The following RRM2 variants were observed in gnomAD, a reference collection of about 807,000 sequenced individuals.
RRM2 encodes the protein ribonucleotide reductase regulatory subunit M2.
Under a neutral mutation model 45.9 loss-of-function variants are expected in RRM2, and 6 were observed. The observed-to-expected ratio is 0.13, with a 90% CI of 0.07 to 0.26. The LOEUF (loss-of-function observed/expected upper bound fraction) is 0.26. RRM2 is among the 10% of genes least tolerant of loss of function. The pLI is 1.00. For missense variants in RRM2, 343 were observed against 489.5 expected (o/e 0.70, Z 2.82); for synonymous variants, 177 against 173.0 (o/e 1.02, Z -0.18).
At chr2:10,199,626 A>G (rs958276939) in intron 3 of RRM2, among the ~76,000 whole-genome samples, 2 of 151,784 alleles carry the variant, frequency 1.3e-5, no homozygotes, top group African/African-American at 4.8e-5. Context: ...CTAAAAATAC[A>G]AAAATTAGCT....
chr2:10,154,149 A>G (rs1236970943), intron 3 of RRM2, among the ~76,000 whole-genome samples: 1 of 152,198 alleles, frequency 6.6e-6, no homozygotes, highest in Non-Finnish European at 1.5e-5. Flanking sequence ...TGAAGTATGG[A>G]CCATCAGCAT....
At chr2:10,196,945 A>G (rs1484632308) in intron 3 of RRM2, among the ~76,000 whole-genome samples, 17 of 152,108 alleles carry the variant, frequency 1.1e-4, no homozygotes, top group South Asian at 2.1e-4. Flanking sequence ...TCCCTCTCTC[A>G]AGCACCAACA....
intron 3 of RRM2, among the ~76,000 whole-genome samples, chr2:10,181,123 A>G (rs1320158837): frequency 6.7e-6 from 1 of 149,718 alleles, no homozygotes; most frequent in Non-Finnish European, 1.5e-5. Context: ...AACTAGTATG[A>G]TTTATATAGT....
At chr2:10,141,953 C>G in exon 2 of RRM2, 1 of 1,574,572 alleles carries the variant, frequency 6.4e-7, no homozygotes, top group Non-Finnish European at 8.6e-7. Flanking sequence ...ACCCAGTGTG[C>G]GGTAAGTCAG....
At chr2:10,154,003 T>C (rs569268994) in intron 3 of RRM2, among the ~76,000 whole-genome samples, 1 of 152,354 alleles carries the variant, frequency 6.6e-6, no homozygotes, top group South Asian at 2.1e-4. Flanking sequence ...TACCATTGAA[T>C]GGCACAGTTA....
chr2:10,132,360 G>A (rs1206270865), downstream of RRM2, among the ~76,000 whole-genome samples: 2 of 152,074 alleles, frequency 1.3e-5, no homozygotes, highest in Admixed American at 6.5e-5. Context: ...AGTGGTGGGG[G>A]CAGCAGAGAA....
rs573414501 is a variant in RRM2 at position 10,127,276 on chromosome 2, C to T, written c.798+56C>T. 461 of 1,571,242 alleles carry T rather than the reference C, an allele frequency of 2.9e-4. 5 individuals are homozygous for T. In the South Asian group the frequency reaches 3.4e-3, roughly 11 times the overall value. ...AAACCCCAAACACAACTCGGGCATG[C>T]TCTTGTGTTCACTGACGGGGACCTG... On this transcript the variant is annotated intron_variant, in intron 7 of 9. Transcript: ENST00000304567. The surrounding 1 kb of genome is among the most constrained non-coding windows in gnomAD (Gnocchi z 4.1).
At chr2:10,123,245 GACCC>G in intron 2 of RRM2, 138 bp from the exon 3 acceptor site, 1 of 1,295,524 alleles carries the variant, frequency 7.7e-7, no homozygotes, top group Non-Finnish European at 1.0e-6. Flanking sequence ...CCTCTGCTGC[GACCC>G]ACGGAGTGCG....
rs1558408316 is a variant in RRM2, at chr2:10,204,503, TGGC to T, written n.483-5807_483-5805del. ...ATGGAGCCCACCGGAGCAGCCTACC[TGGC>T]TTCTGTGGTCACTGGCTGTGACCCC... is the stretch of plus-strand genomic sequence containing the variant. On this transcript the variant is annotated intron_variant and non_coding_transcript_variant, in intron 3 of 3. Coordinates refer to the RRM2 transcript ENST00000381786. The surrounding 1 kb of genome is among the most constrained non-coding windows in gnomAD (Gnocchi z 4.0). 1.3e-5 allele frequency among the ~76,000 whole-genome samples: 2 copies of T among 152,222 alleles called. No homozygotes were observed. The highest frequency in any genetic ancestry group is 4.8e-5 in the African/African-American group (2 of 41,458).
Position 10,191,185 on chromosome 2 carries a change from G to T in RRM2, n.483-19126G>T, listed in dbSNP as rs57272940. Among the ~76,000 whole-genome samples the T allele has an allele frequency of 7.1e-3, 1,078 of 152,276 alleles. 16 individuals carry two copies. Among genetic ancestry groups the T allele is most frequent in the African/African-American group, 0.024 (1,014 of 41,544 alleles). On this transcript the variant is annotated intron_variant and non_coding_transcript_variant, in intron 3 of 3. Transcript: ENST00000381786. Reference sequence around the variant, plus strand: ...TTTCCATCTGCTCAACACTGCTCGTGCCTGGAGCCCCCCAGCTGTGCCTAT... The same window carrying T: ...TTTCCATCTGCTCAACACTGCTCGTTCCTGGAGCCCCCCAGCTGTGCCTAT...
Position 10,123,868 on chromosome 2 carries a change from A to G in RRM2, c.435+16A>G, listed in dbSNP as rs1662723228. On this transcript the variant is annotated intron_variant, in intron 4 of 9. Coordinates refer to ENST00000304567, the MANE Select transcript of RRM2 (RefSeq NM_001034.4). ...TGAAAACTTGGTGAGTTTCCAAAAC[A>G]TCTTTCATTCATTTGACGTTGACGA... 2.2e-6 allele frequency: 3 copies of G among 1,367,738 alleles called. No individual in the cohort carries two copies. In the African/African-American group the frequency reaches 4.3e-5, roughly 20 times the overall value. 84.7% of individuals were successfully genotyped at this position (1,367,738 alleles called of 1,614,324 possible).
chr2:10,167,653 G>A (rs558523560), intron 3 of RRM2, among the ~76,000 whole-genome samples: 2 of 152,254 alleles, frequency 1.3e-5, no homozygotes, highest in East Asian at 3.9e-4. Context: ...CTTCTCTCTG[G>A]GCCAGGAGGA....
intron 3 of RRM2, among the ~76,000 whole-genome samples, chr2:10,200,369 T>G (rs2125332768): frequency 6.6e-6 from 1 of 152,046 alleles, no homozygotes; most frequent in East Asian, 1.9e-4. Context: ...ATTCCTTTAC[T>G]TACCTCAGGT....
intron 3 of RRM2, among the ~76,000 whole-genome samples, chr2:10,154,505 A>C (rs1250497810): frequency 6.6e-6 from 1 of 151,356 alleles, no homozygotes; most frequent in African/African-American, 2.4e-5. Context: ...ATCTCAAAAA[A>C]AAAAAAAAAA....
At chr2:10,178,527 C>G in intron 3 of RRM2, among the ~76,000 whole-genome samples, 1 of 152,136 alleles carries the variant, frequency 6.6e-6, no homozygotes, top group South Asian at 2.1e-4. Flanking sequence ...CTGGCCACCC[C>G]TCCTGTTTGT....
intron 3 of RRM2, among the ~76,000 whole-genome samples, chr2:10,180,220 G>C (rs188185080): frequency 6.0e-4 from 91 of 152,368 alleles, no homozygotes; most frequent in African/African-American, 2.0e-3. Flanking sequence ...AGTCCTGAGA[G>C]AACCTCTTCG....
At chr2:10,158,032 A>G (rs1281497168) in intron 3 of RRM2, among the ~76,000 whole-genome samples, 1 of 152,212 alleles carries the variant, frequency 6.6e-6, no homozygotes, top group African/African-American at 2.4e-5. Context: ...ATTTCTGGGA[A>G]GAGCATTATT....
chr2:10,177,689 T>TCCTC (rs1284098707), intron 3 of RRM2, among the ~76,000 whole-genome samples: 1 of 150,020 alleles, frequency 6.7e-6, no homozygotes, highest in African/African-American at 2.5e-5. Flanking sequence ...CTTCCTTCCT[T>TCCTC]CCTTCCTTCC....
At chr2:10,135,453 T>C (rs933930345), downstream of RRM2, among the ~76,000 whole-genome samples, 1 of 152,010 alleles carries the variant, frequency 6.6e-6, no homozygotes, top group African/African-American at 2.4e-5. Context: ...CCAGAAGATT[T>C]AACTTCAACT....
Sources: allele counts gnomAD v4.1 joint callset (sites outside exome capture counted in the v4.1 genomes callset), GRCh38; gene constraint gnomAD v4.1.1; non-coding constraint Gnocchi (gnomAD v3.1); transcripts MANE v1.5; gene names NCBI Gene and HGNC (gene_info 2026-07-23, HGNC 2026-07-21).